Variants in CADM2 observed in about 807,000 individuals in gnomAD.
CADM2 encodes cell adhesion molecule 2, also known as immunoglobulin superfamily member 4D.
A neutral mutation model predicts 49.8 loss-of-function variants in CADM2; 12 were observed. That is an observed-to-expected ratio of 0.24 (90% CI 0.15 to 0.39). The LOEUF (loss-of-function observed/expected upper bound fraction) is 0.39. CADM2 is among the 10% of genes least tolerant of loss of function. The pLI is 1.00. For synonymous variants in CADM2, 214 were observed against 175.4 expected, an observed-to-expected ratio of 1.22 and a Z score of -1.74; for missense variants, 378 against 492.3, an observed-to-expected ratio of 0.77 and a Z score of 2.20.
rs530419551 is a variant in CADM2 at position 85,511,273 on chromosome 3, T to G, written c.62-215249T>G. On this transcript the variant is annotated intron_variant, in intron 1 of 9. Transcript: ENST00000383699. ...TGTAAAACAGAACAATTTATTTAAC[T>G]TTACCTTCTAATTTACTAGGATAGA... Among the ~76,000 whole-genome samples, 132 of 152,226 alleles carry G rather than the reference T, an allele frequency of 8.7e-4. 4 individuals carry two copies. The South Asian group carries it at 0.027, about 31-fold the overall frequency.
chr3:85,102,936 G>T (rs990537983), intron 1 of CADM2, among the ~76,000 whole-genome samples: 5 of 152,046 alleles, frequency 3.3e-5, no homozygotes, highest in African/African-American at 1.2e-4. Context: ...TCAATGATAA[G>T]GTAACCTAAG....
At chr3:85,849,751 G>T (rs1487348291) in intron 3 of CADM2, among the ~76,000 whole-genome samples, 1 of 151,980 alleles carries the variant, frequency 6.6e-6, no homozygotes, top group Non-Finnish European at 1.5e-5. Context: ...AATATTTTGG[G>T]GCTTGACTTT....
chr3:85,659,585 C>G (rs548860724), intron 1 of CADM2, among the ~76,000 whole-genome samples: 18 of 152,176 alleles, frequency 1.2e-4, no homozygotes, highest in Admixed American at 4.6e-4. Flanking sequence ...TTTCTGATCT[C>G]CTTTCATTCA....
At chr3:86,009,209 A>T (rs1020211010) in intron 8 of CADM2, among the ~76,000 whole-genome samples, 32 of 143,404 alleles carry the variant, frequency 2.2e-4, no homozygotes. Context: ...ATATATGTGT[A>T]TGTGTGTGTA....
chr3:85,120,679 G>A (rs1018964631), intron 1 of CADM2, among the ~76,000 whole-genome samples: 3 of 152,084 alleles, frequency 2.0e-5, no homozygotes, highest in Non-Finnish European at 2.9e-5. Flanking sequence ...GCCTCCTGGG[G>A]GGTAGGGGGC....
intron 1 of CADM2, among the ~76,000 whole-genome samples, chr3:85,595,539 G>A (rs2063218842): frequency 6.6e-6 from 1 of 151,974 alleles, no homozygotes; most frequent in African/African-American, 2.4e-5. Context: ...TAACTGCAAA[G>A]GTTAAGCTAA....
chr3:85,031,702 A>G (rs1000933458), intron 1 of CADM2, among the ~76,000 whole-genome samples: 3 of 151,054 alleles, frequency 2.0e-5, no homozygotes, highest in Non-Finnish European at 4.4e-5. Context: ...ATTTTTTTTT[A>G]GTAGATACGG....
intron 3 of CADM2, among the ~76,000 whole-genome samples, chr3:85,833,501 T>C (rs1447065237): frequency 1.3e-5 from 2 of 151,822 alleles, no homozygotes; most frequent in African/African-American, 4.8e-5. Flanking sequence ...ACTGATGCAA[T>C]TTCAGAACCT....
At chr3:85,112,073 C>G (rs991075158) in intron 1 of CADM2, among the ~76,000 whole-genome samples, 4 of 151,866 alleles carry the variant, frequency 2.6e-5, no homozygotes, top group African/African-American at 9.7e-5. Context: ...ACTTATAAAG[C>G]ATTCCTTTCC....
At chr3:85,805,417 G>A (rs1163225161) in intron 3 of CADM2, 1 of 152,164 alleles carries the variant, frequency 6.6e-6, no homozygotes, top group Admixed American at 6.6e-5. Flanking sequence ...ACAACAGAGA[G>A]CATTGAAGAA....
chr3:85,818,121 G>GACCC (rs1180822510), intron 3 of CADM2, among the ~76,000 whole-genome samples: 4 of 152,024 alleles, frequency 2.6e-5, no homozygotes, highest in Non-Finnish European at 5.9e-5. Flanking sequence ...ATAAAGCAAA[G>GACCC]ACCCTGTGTT....
intron 1 of CADM2, among the ~76,000 whole-genome samples, chr3:85,310,850 C>G (rs2044324526): frequency 6.6e-6 from 1 of 152,082 alleles, no homozygotes; most frequent in Non-Finnish European, 1.5e-5. Context: ...AGCTAGAGAA[C>G]TTAGCTTTTC....
chr3:85,543,390 G>T (rs1248438227), intron 1 of CADM2, among the ~76,000 whole-genome samples: 1 of 127,852 alleles, frequency 7.8e-6, no homozygotes, highest in Non-Finnish European at 1.8e-5. Context: ...AAGTAGCTGG[G>T]ATTACAGGCA....
intron 5 of CADM2, among the ~76,000 whole-genome samples, chr3:85,892,537 T>C (rs1714601451): frequency 6.6e-6 from 1 of 152,132 alleles, no homozygotes. Flanking sequence ...TCATGAGATC[T>C]GATGGCTTTA....
intron 1 of CADM2, among the ~76,000 whole-genome samples, chr3:84,976,821 C>G (rs1222317109): frequency 6.6e-6 from 1 of 151,900 alleles, no homozygotes; most frequent in Non-Finnish European, 1.5e-5. Context: ...ACAGATTACT[C>G]TGGCATATCA....
At chr3:85,857,129 G>C (rs1273914933) in intron 3 of CADM2, among the ~76,000 whole-genome samples, 1 of 152,122 alleles carries the variant, frequency 6.6e-6, no homozygotes, top group African/African-American at 2.4e-5. Context: ...AAAAGGGTGA[G>C]ATAACTCTCT....
At chr3:86,050,108 C>T (rs865857550) in intron 8 of CADM2, among the ~76,000 whole-genome samples, 2 of 152,156 alleles carry the variant, frequency 1.3e-5, no homozygotes, top group Non-Finnish European at 1.5e-5. Context: ...GTTTGTTACT[C>T]TCAAGATACA....
At chr3:85,051,785 A>G (rs903073084) in intron 1 of CADM2, among the ~76,000 whole-genome samples, 1 of 152,154 alleles carries the variant, frequency 6.6e-6, no homozygotes, top group Non-Finnish European at 1.5e-5. Flanking sequence ...TTTTTGTTTT[A>G]ATTTGATATC....
intron 1 of CADM2, among the ~76,000 whole-genome samples, chr3:85,433,400 A>G (rs78120627): frequency 0.046 from 6,981 of 152,142 alleles, 549 homozygotes; most frequent in African/African-American, 0.16. Context: ...ATAGGCTGCT[A>G]AAATTACTTT....
Sources: gnomAD v4.1 joint callset for allele counts (sites outside exome capture counted in the v4.1 genomes callset) on GRCh38, gnomAD v4.1.1 for gene constraint, MANE v1.5 for transcripts, NCBI Gene and HGNC (gene_info 2026-07-23, HGNC 2026-07-21) for gene names.